Variants in TMPRSS6 observed in about 807,000 individuals in gnomAD.
The protein encoded by TMPRSS6 is transmembrane serine protease 6, also known as transmembrane protease serine 6.
A neutral mutation model predicts 101.5 loss-of-function variants in TMPRSS6; 67 were observed. The observed-to-expected ratio is 0.66, with a 90% CI of 0.54 to 0.81. The LOEUF is 0.81. Among genes scored for constraint, TMPRSS6 ranks in the 30% least tolerant of loss-of-function variants. The probability of loss-of-function intolerance (pLI) is 0.00; values close to 1 mark genes in which losing one functional copy is unlikely to be tolerated. For missense variants in TMPRSS6, 1,034 were observed against 1,088.7 expected (o/e 0.95, Z 0.71); for synonymous variants, 453 against 464.9 (o/e 0.97, Z 0.33).
Position 37,065,790 on chromosome 22 carries a change from C to T in TMPRSS6, c.*290G>A, listed in dbSNP as rs1454232647. On this transcript the variant is annotated 3_prime_UTR_variant, in exon 18 of 18. Coordinates refer to ENST00000676104, the MANE Select transcript of TMPRSS6 (RefSeq NM_001374504.1). ...TTCTTGCTGCTGAGCCACTGCCTTG[C>T]ATTAGGCAGCAGTGGAGGAAGGGGA... 8 of 493,734 alleles carry T rather than the reference C, an allele frequency of 1.6e-5. No individual in the cohort carries two copies. Among genetic ancestry groups the T allele is most frequent in the South Asian group, 6.6e-5 (3 of 45,664 alleles). 30.6% of individuals were successfully genotyped at this position (493,734 alleles called of 1,614,324 possible). A position where few individuals can be genotyped will look rare whatever the true frequency, so the allele number is the denominator to read the frequency against.
At chr22:37,081,309 C>T in intron 10 of TMPRSS6, among the ~76,000 whole-genome samples, 1 of 152,172 alleles carries the variant, frequency 6.6e-6, no homozygotes, top group East Asian at 1.9e-4. Context: ...GCCCTTTTTT[C>T]AGATGAGTTA....
rs377027566 is a variant in TMPRSS6, at chr22:37,075,224, G to A, written c.1253C>T (p.Thr418Met). The A allele has an allele frequency of 4.2e-5, 68 of 1,613,752 alleles. No individual in the cohort carries two copies. Among genetic ancestry groups the A allele is most frequent in the African/African-American group, 1.1e-4 (8 of 74,932 alleles). ...PYAERIPVVA[T>M]AGITINFTSQ... ...GGTGAAGTTGATGGTGATCCCGGCC[G>A]TGGCCACCACGGGGATCCTCTCGGC... The change falls in exon 11 of 18, where the codon ACG becomes ATG. Residue 418 changes from threonine (T) to methionine (M), a missense_variant. By Grantham distance (81) the Thr-to-Met change is moderately conservative (BLOSUM62 -1). Coordinates refer to ENST00000676104, the MANE Select transcript of TMPRSS6 (RefSeq NM_001374504.1).
intron 6 of TMPRSS6, among the ~76,000 whole-genome samples, chr22:37,091,508 A>G (rs1929261689): frequency 6.6e-6 from 1 of 152,166 alleles, no homozygotes; most frequent in African/African-American, 2.4e-5. Context: ...CCTAGCACCA[A>G]CACTCATCAG....
chr22:37,072,192 GATGGATGA>G (rs1927013605), intron 13 of TMPRSS6, among the ~76,000 whole-genome samples: 1 of 147,946 alleles, frequency 6.8e-6, no homozygotes, highest in East Asian at 2.1e-4. Context: ...ATGGATGGAT[GATGGATGA>G]ATGGATGGAT....
chr22:37,078,204 G>C (rs965173300), intron 10 of TMPRSS6, among the ~76,000 whole-genome samples: 5 of 152,210 alleles, frequency 3.3e-5, no homozygotes, highest in Non-Finnish European at 7.3e-5. Context: ...GGGAGATTGT[G>C]GGGAGACAGA....
chr22:37,078,845 GAA>G (rs1389679938), intron 10 of TMPRSS6, among the ~76,000 whole-genome samples: 92 of 97,950 alleles, frequency 9.4e-4, no homozygotes, highest in Middle Eastern at 4.3e-3. Context: ...GGAGGAGAAG[GAA>G]GAGAAGGAGA....
intron 10 of TMPRSS6, among the ~76,000 whole-genome samples, chr22:37,080,781 G>A (rs2146091404): frequency 6.6e-6 from 1 of 152,388 alleles, no homozygotes; most frequent in East Asian, 1.9e-4. Context: ...TCTGGAACTG[G>A]TGGGACAGCC....
chr22:37,084,589 T>A, intron 9 of TMPRSS6, 138 bp downstream of exon 9: 8 of 855,444 alleles, frequency 9.4e-6, no homozygotes, highest in Admixed American at 4.1e-5. Context: ...CTCTCCACCC[T>A]GGCAGGATGT....
intron 10 of TMPRSS6, among the ~76,000 whole-genome samples, chr22:37,081,312 A>G (rs1007364041): frequency 1.3e-5 from 2 of 152,056 alleles, no homozygotes; most frequent in African/African-American, 4.8e-5. Flanking sequence ...CTTTTTTCAG[A>G]TGAGTTACCT....
In TMPRSS6 at chr22:37,103,354, C is replaced by T. The variant is rs562379019; in HGVS notation, c.64G>A (p.Ala22Thr). 12 of 1,614,226 alleles carry T rather than the reference C, an allele frequency of 7.4e-6. No individual in the cohort carries two copies. The East Asian group carries it at 2.2e-4, about 30-fold the overall frequency. ...GCCTTGAACATCCCCTCCGGCTCCG[C>T]TTCCTCGCCATCACCTCCGTCCCCC... is the stretch of plus-strand genomic sequence containing the variant. ...GQGDGGDGEE[A>T]EPEGMFKACE... Residue 22 changes from alanine (A) to threonine (T), a missense_variant, in exon 2 of 18, where the codon GCG becomes ACG. Coordinates refer to ENST00000676104, the MANE Select transcript of TMPRSS6 (RefSeq NM_001374504.1). This position sits in a 1 kb window ranked among gnomAD's most constrained non-coding sequence, Gnocchi z 4.4.
intron 1 of TMPRSS6, among the ~76,000 whole-genome samples, chr22:37,104,414 C>G (rs1355728210): frequency 5.3e-5 from 8 of 152,154 alleles, no homozygotes; most frequent in Non-Finnish European, 1.0e-4. Flanking sequence ...ATCTAAGATG[C>G]CTCCCATAAA....
At chr22:37,073,008 TGATG>T (rs368831989) in intron 13 of TMPRSS6, among the ~76,000 whole-genome samples, 11 of 143,858 alleles carry the variant, frequency 7.6e-5, no homozygotes, top group African/African-American at 1.3e-4. Flanking sequence ...GATGGATGGA[TGATG>T]GATGGATGGA....
In TMPRSS6 at chr22:37,100,287, G is replaced by A. The variant is rs1438718242; in HGVS notation, c.203-1738C>T. ...GGCCCCAAGCGAGGTTTTAAGCAGCGAAGTTAGAGGATTTCGTTTGCTTTA... is the reference window on the plus strand; with the variant it reads ...GGCCCCAAGCGAGGTTTTAAGCAGCAAAGTTAGAGGATTTCGTTTGCTTTA... On this transcript the variant is annotated intron_variant, in intron 2 of 17. Transcript: ENST00000676104. Among the ~76,000 whole-genome samples the A allele has an allele frequency of 3.9e-5, 6 of 152,372 alleles. No homozygotes were observed. The East Asian group carries it at 7.7e-4, about 20-fold the overall frequency.
At position 37,103,216 on chromosome 22, in the gene TMPRSS6, C is replaced by G. The variant is rs1349371343; in HGVS notation, c.202G>C (p.Gly68Arg). The change falls in exon 2 of 18, where the codon GGG (glycine) becomes CGG (arginine). Residue 68 changes from glycine to arginine, a missense_variant and splice_region_variant. Physicochemically the swap from Gly to Arg is moderately radical, Grantham distance 125. Coordinates refer to ENST00000676104, the MANE Select transcript of TMPRSS6 (RefSeq NM_001374504.1). This position sits in a 1 kb window ranked among gnomAD's most constrained non-coding sequence, Gnocchi z 4.4. ...CTCCCAGGCGGTCCCACAACGTTAC[C>G]TAGGAAATACCAGAGTAGCACCCCC... is the stretch of plus-strand genomic sequence containing the variant. Reference protein sequence around the residue: ...SAGVLLWYFLGYKAEVMVSQV... With the variant: ...SAGVLLWYFLRYKAEVMVSQV... The G allele has an allele frequency of 6.8e-6, 11 of 1,613,900 alleles. No homozygotes were observed. The highest frequency in any genetic ancestry group is 1.3e-5 in the African/African-American group (1 of 75,024).
Position 37,089,617 on chromosome 22 carries a change from T to C in TMPRSS6, c.797A>G (p.Tyr266Cys). ...CTTCTCCAGGGGCCCGGCCACGTCA[T>C]ACATGGCCAGTCGGTCCCGGCACTC... is the stretch of plus-strand genomic sequence containing the variant. ...LAECRDRLAM[Y>C]DVAGPLEKRL... The change falls in exon 7 of 18, where the codon TAT (tyrosine) becomes TGT (cysteine). Residue 266 changes from tyrosine to cysteine, a missense_variant. Physicochemically the swap from Tyr to Cys is radical, Grantham distance 194. Transcript: ENST00000676104. 2 of 1,491,444 alleles carry C rather than the reference T, an allele frequency of 1.3e-6. No individual in the cohort carries two copies. Among genetic ancestry groups the C allele is most frequent in the Non-Finnish European group, 1.8e-6 (2 of 1,103,712 alleles). The allele number at this position is 1,491,444 out of a possible 1,614,324, so 92.4% of individuals were successfully genotyped here.
rs758487360 is a variant in TMPRSS6 at position 37,069,080 on chromosome 22, G to A, written c.2106C>T (p.Arg702=). ...CAAGTCCCCGCTGCTCACCGCCCTC[G>A]CGCAAGGCGCCCCAGCCCGTAATCC... ...HCWITGWGAL[R]EGGPISNALQ... Residue 702 remains arginine (R), a synonymous_variant, in exon 16 of 18, where the codon CGC becomes CGT. Coordinates refer to ENST00000676104, the MANE Select transcript of TMPRSS6 (RefSeq NM_001374504.1). This position sits in a 1 kb window ranked among gnomAD's most constrained non-coding sequence, Gnocchi z 4.8. The A allele has an allele frequency of 3.6e-5, 55 of 1,542,660 alleles. No homozygotes were observed. Among genetic ancestry groups the A allele is most frequent in the Non-Finnish European group, 4.4e-5 (50 of 1,149,314 alleles).
At chr22:37,072,176 T>TGATG (rs556164098) in intron 13 of TMPRSS6, among the ~76,000 whole-genome samples, 1 of 138,968 alleles carries the variant, frequency 7.2e-6, no homozygotes, top group Non-Finnish European at 1.5e-5. Context: ...GATGAACGGA[T>TGATG]GATGGATGGA....
At chr22:37,071,449 G>T (rs541263047) in intron 13 of TMPRSS6, among the ~76,000 whole-genome samples, 2 of 152,254 alleles carry the variant, frequency 1.3e-5, no homozygotes, top group South Asian at 4.1e-4. Context: ...TCCACCACTT[G>T]GTCTTTGCCT....
chr22:37,074,881 GAC>G lies in TMPRSS6; in HGVS notation c.1343-175_1343-174del, dbSNP rs373512251. On this transcript the variant is annotated intron_variant, in intron 11 of 17. Coordinates refer to ENST00000676104, the MANE Select transcript of TMPRSS6 (RefSeq NM_001374504.1). Reference sequence around the variant, plus strand: ...CAGTCCAAGCAGACATACATATCCAGACACACACACAGAATACACAACACACA... The same window carrying G: ...CAGTCCAAGCAGACATACATATCCAGACACACACAGAATACACAACACACA... 4.7e-4 allele frequency among the ~76,000 whole-genome samples: 72 copies of G among 152,328 alleles called. 1 individual carries two copies. The highest frequency in any genetic ancestry group is 1.7e-3 in the African/African-American group (69 of 41,570).
Sources: allele counts gnomAD v4.1 joint callset (sites outside exome capture counted in the v4.1 genomes callset), GRCh38; gene constraint gnomAD v4.1.1; non-coding constraint Gnocchi (gnomAD v3.1); transcripts MANE v1.5; gene names NCBI Gene and HGNC (gene_info 2026-07-23, HGNC 2026-07-21).